PRTG: variants seen among roughly 807,000 people sequenced by gnomAD.
PRTG encodes the protein protogenin, also known as immunoglobulin superfamily, DCC subclass, member 5.
A neutral mutation model predicts 122.5 loss-of-function variants in PRTG; 67 were observed. That is an observed-to-expected ratio of 0.55 (90% CI 0.45 to 0.67). PRTG has a LOEUF of 0.67. Among genes scored for constraint, PRTG ranks in the 30% least tolerant of loss-of-function variants. The pLI is 0.00. For synonymous variants in PRTG, 554 were observed against 501.1 expected (o/e 1.11, Z -1.41); for missense variants, 1,435 against 1,415.4 (o/e 1.01, Z -0.22).
intron 15 of PRTG, among the ~76,000 whole-genome samples, chr15:55,629,219 G>A (rs1267484508): frequency 6.6e-6 from 1 of 152,006 alleles, no homozygotes; most frequent in Non-Finnish European, 1.5e-5. Context: ...GAATATTTGT[G>A]AATATATATT....
rs183675123 is a variant in PRTG, at chr15:55,620,633, C to T, written c.3198+30G>A. 213 of 1,560,066 alleles carry T rather than the reference C, an allele frequency of 1.4e-4. 1 individual carries two copies. The East Asian group carries it at 1.7e-3, about 12-fold the overall frequency. On this transcript the variant is annotated intron_variant, in intron 19 of 19. Transcript: ENST00000389286. ...TCATCATTTCATATATCACGCATTG[C>T]CAAAAATTTTTCTCATTTAGATAGG...
At chr15:55,651,519 C>G (rs2059353034) in intron 11 of PRTG, among the ~76,000 whole-genome samples, 1 of 152,148 alleles carries the variant, frequency 6.6e-6, no homozygotes, top group African/African-American at 2.4e-5. Flanking sequence ...AGAGTAAGTA[C>G]TGCCTGATTG....
chr15:55,668,555 TA>T (rs989969439), intron 11 of PRTG, among the ~76,000 whole-genome samples: 26 of 152,296 alleles, frequency 1.7e-4, no homozygotes, highest in African/African-American at 6.0e-4. Context: ...TGAAAGTGCC[TA>T]GGGGAAAAAA....
intron 2 of PRTG, among the ~76,000 whole-genome samples, chr15:55,704,387 A>G (rs745402139): frequency 5.3e-5 from 8 of 152,222 alleles, no homozygotes; most frequent in Non-Finnish European, 1.2e-4. Context: ...AAAAATCACC[A>G]AATCCATCAA....
chr15:55,706,513 G>C (rs2030123836), intron 2 of PRTG, among the ~76,000 whole-genome samples: 2 of 150,378 alleles, frequency 1.3e-5, no homozygotes, highest in African/African-American at 4.9e-5. Flanking sequence ...GGGAGGCAGA[G>C]GTGGGAGTAT....
intron 2 of PRTG, among the ~76,000 whole-genome samples, chr15:55,694,965 G>C (rs2059624303): frequency 6.6e-6 from 1 of 152,134 alleles, no homozygotes; most frequent in South Asian, 2.1e-4. Context: ...GCTGTTAAGA[G>C]GCCAGAGCTC....
intron 4 of PRTG, 85 bp downstream of exon 4, chr15:55,682,279 T>C (rs2059543010): frequency 7.2e-6 from 8 of 1,118,028 alleles, no homozygotes; most frequent in Non-Finnish European, 9.6e-6. Context: ...TTCTACTTTA[T>C]GGCACATTAT....
intron 11 of PRTG, among the ~76,000 whole-genome samples, chr15:55,643,456 G>C (rs998899955): frequency 1.3e-5 from 2 of 152,178 alleles, no homozygotes; most frequent in African/African-American, 4.8e-5. Context: ...TTTTCTGAGA[G>C]AGGGTCTTAC....
rs1348594561 is a variant in PRTG, at chr15:55,743,120, C to G, written c.-189G>C. On this transcript the variant is annotated 5_prime_UTR_variant, in exon 1 of 20. Coordinates refer to ENST00000389286, the MANE Select transcript of PRTG (RefSeq NM_173814.6). The stretch of plus-strand genomic sequence containing the variant: ...TGCTCGGACGGCCGCTCGCGAGAAG[C>G]AAGGGGCCTGAGAGTCCGGCTGGGG... The G allele has an allele frequency of 3.1e-6, 4 of 1,276,366 alleles. No homozygotes were observed. In the African/African-American group the frequency reaches 6.3e-5, roughly 20 times the overall value. 79.1% of individuals were successfully genotyped at this position (1,276,366 alleles called of 1,614,324 possible).
Position 55,724,366 on chromosome 15 carries a change from T to C in PRTG, c.397+16016A>G, listed in dbSNP as rs546482120. Among the ~76,000 whole-genome samples, 64 of 152,280 alleles carry C rather than the reference T, an allele frequency of 4.2e-4. No individual in the cohort carries two copies. In the South Asian group the frequency reaches 0.012, roughly 28 times the overall value. On this transcript the variant is annotated intron_variant, in intron 2 of 19. Transcript: ENST00000389286. ...ATATTTTGGGACTCTGCTGTTTGGG[T>C]GAATATAATGTATATATTACGTTTT...
At chr15:55,668,080 C>T (rs143222461) in intron 11 of PRTG, among the ~76,000 whole-genome samples, 2 of 152,186 alleles carry the variant, frequency 1.3e-5, no homozygotes, top group East Asian at 1.9e-4. Flanking sequence ...AGTGAGATTA[C>T]GTCTCAAATA....
At chr15:55,670,795 G>A (rs2141791207) in intron 11 of PRTG, among the ~76,000 whole-genome samples, 1 of 152,122 alleles carries the variant, frequency 6.6e-6, no homozygotes, top group Middle Eastern at 3.4e-3. Context: ...CAGCTACTCG[G>A]GAGGCTGAGG....
intron 15 of PRTG, among the ~76,000 whole-genome samples, chr15:55,636,586 C>T (rs942667768): frequency 3.3e-5 from 5 of 152,112 alleles, no homozygotes; most frequent in South Asian, 2.1e-4. Flanking sequence ...TGGACGACTA[C>T]GGTAATTTCC....
At position 55,628,949 on chromosome 15, in the gene PRTG, G is replaced by A; in HGVS notation, c.2679C>T (p.Val893=). Residue 893 remains valine, a synonymous_variant, in exon 16 of 20, where the codon GTC becomes GTT. Transcript: ENST00000389286. ...ENLVAGNVYI[V]KISASNEVGE... ...CCACCTCATTGGATGCAGATATCTTGACAATGTACACATTTCCTGCTACCA... is the reference window on the plus strand; with the variant it reads ...CCACCTCATTGGATGCAGATATCTTAACAATGTACACATTTCCTGCTACCA... 6.2e-7 allele frequency: 1 copy of A among 1,613,788 alleles called. No homozygotes were observed. Among genetic ancestry groups the A allele is most frequent in the Non-Finnish European group, 8.5e-7 (1 of 1,179,792 alleles).
Position 55,672,639 on chromosome 15 carries a change from A to T in PRTG, c.1853-6T>A. The T allele has an allele frequency of 3.1e-6, 5 of 1,605,318 alleles. No individual in the cohort carries two copies. Among genetic ancestry groups the T allele is most frequent in the Non-Finnish European group, 4.3e-6 (5 of 1,175,516 alleles). ...CAACTCTGGAGACTTAGGGGCTAGC[A>T]AAATTCATCAGAAAATGTATGTATA... On this transcript the variant is annotated splice_polypyrimidine_tract_variant and splice_region_variant and intron_variant, in intron 10 of 19. Transcript: ENST00000389286.
intron 15 of PRTG, among the ~76,000 whole-genome samples, chr15:55,629,367 ATATATATATGTG>A (rs1483121492): frequency 0.038 from 4,976 of 130,088 alleles, 210 homozygotes; most frequent in East Asian, 0.12. Context: ...TTGTATATAT[ATATATATATGTG>A]TGTGTGTGTG....
intron 2 of PRTG, among the ~76,000 whole-genome samples, chr15:55,708,224 G>C (rs1357563747): frequency 6.7e-6 from 1 of 148,158 alleles, no homozygotes; most frequent in Non-Finnish European, 1.5e-5. Flanking sequence ...GAAAAAAATG[G>C]AATGGAACAG....
At chr15:55,667,407 A>G (rs931202135) in intron 11 of PRTG, among the ~76,000 whole-genome samples, 4 of 151,940 alleles carry the variant, frequency 2.6e-5, no homozygotes, top group African/African-American at 4.8e-5. Context: ...TTTCTTTTGA[A>G]GTATTGGTTT....
At chr15:55,651,554 G>A (rs1330050024) in intron 11 of PRTG, among the ~76,000 whole-genome samples, 1 of 152,148 alleles carries the variant, frequency 6.6e-6, no homozygotes, top group Admixed American at 6.5e-5. Context: ...TAGTAAAACC[G>A]ATGGACATCA....
Sources: gnomAD v4.1 joint callset for allele counts (sites outside exome capture counted in the v4.1 genomes callset) on GRCh38, gnomAD v4.1.1 for gene constraint, MANE v1.5 for transcripts, NCBI Gene and HGNC (gene_info 2026-07-23, HGNC 2026-07-21) for gene names.